The following DCST1 variants were observed in gnomAD, a reference collection of about 807,000 sequenced individuals.
The protein encoded by DCST1 is E3 ubiquitin-protein ligase DCST1.
Under a neutral mutation model 89.1 loss-of-function variants are expected in DCST1, and 78 were observed. That is an observed-to-expected ratio of 0.88 (90% CI 0.73 to 1.06). The LOEUF (loss-of-function observed/expected upper bound fraction) is 1.06, where lower values mean the gene tolerates loss of function less well. Among genes scored for constraint, DCST1 ranks in the 50% least tolerant of loss-of-function variants. The pLI, the probability that DCST1 is intolerant of heterozygous loss-of-function variation, is 0.00. For synonymous variants in DCST1, 364 were observed against 371.9 expected (o/e 0.98, Z 0.24); for missense variants, 900 against 928.6 (o/e 0.97, Z 0.40).
chr1:155,048,456 G>A (rs1187280942), intron 16 of DCST1, among the ~76,000 whole-genome samples: 1 of 152,082 alleles, frequency 6.6e-6, no homozygotes, highest in African/African-American at 2.4e-5. Context: ...ACGCCATCAC[G>A]CCCAGCTATT....
intron 14 of DCST1, 107 bp downstream of exon 14, chr1:155,047,419 T>C (rs1660688698): frequency 9.7e-7 from 1 of 1,028,728 alleles, no homozygotes; most frequent in African/African-American, 1.6e-5. Flanking sequence ...TGTGGAGAGA[T>C]GGGGGTTGGA....
At chr1:155,040,463 C>A in intron 5 of DCST1, 22 bp from the exon 6 acceptor site, 1 of 1,590,748 alleles carries the variant, frequency 6.3e-7, no homozygotes. Context: ...GGGAGGTGAC[C>A]AACCAGGGCC....
At chr1:155,040,879 T>C (rs1245601703) in intron 6 of DCST1, among the ~76,000 whole-genome samples, 1 of 152,206 alleles carries the variant, frequency 6.6e-6, no homozygotes, top group Non-Finnish European at 1.5e-5. Context: ...ACAGCTGAAC[T>C]AGAATATCTA....
chr1:155,040,182 A>G (rs918244694), intron 5 of DCST1, among the ~76,000 whole-genome samples: 1 of 151,228 alleles, frequency 6.6e-6, no homozygotes, highest in Non-Finnish European at 1.5e-5. Flanking sequence ...GTGTGCCTGT[A>G]ATCCCAGCTG....
At chr1:155,039,602 C>G (rs1489264836) in intron 5 of DCST1, 71 bp downstream of exon 5, 2 of 1,454,734 alleles carry the variant, frequency 1.4e-6, no homozygotes, top group African/African-American at 2.9e-5. Context: ...GGGAGCCAGG[C>G]CGGGTGAAGG....
intron 4 of DCST1, among the ~76,000 whole-genome samples, chr1:155,037,122 T>G (rs1660301644): frequency 6.6e-6 from 1 of 152,142 alleles, no homozygotes; most frequent in African/African-American, 2.4e-5. Context: ...GATGCCAGTC[T>G]CCATGCTTGT....
At position 155,033,977 on chromosome 1, in the gene DCST1, T is replaced by C. The variant is rs1660187690; in HGVS notation, c.-60T>C. The C allele has an allele frequency of 6.2e-7, 1 of 1,602,524 alleles. No homozygotes were observed. Among genetic ancestry groups the C allele is most frequent in the East Asian group, 2.2e-5 (1 of 44,834 alleles). Reference sequence around the variant, plus strand: ...CACCTCTCTTCTCTCACCAGAACCTTGTGTCCAAGGAGGTCCTTCAGGAGA... The same window carrying C: ...CACCTCTCTTCTCTCACCAGAACCTCGTGTCCAAGGAGGTCCTTCAGGAGA... On this transcript the variant is annotated 5_prime_UTR_variant, in exon 2 of 17. Transcript: ENST00000295542.
intron 8 of DCST1, 73 bp downstream of exon 8, chr1:155,041,930 C>T: frequency 6.3e-7 from 1 of 1,590,348 alleles, no homozygotes. Context: ...TGGTAGGTGA[C>T]AGGCAGGAAA....
chr1:155,038,820 C>T (rs1255247217), intron 4 of DCST1, among the ~76,000 whole-genome samples: 1 of 152,228 alleles, frequency 6.6e-6, no homozygotes, highest in East Asian at 1.9e-4. Flanking sequence ...CTTGTTTACT[C>T]ATCTGTCTCT....
chr1:155,035,179 T>C (rs186078444), intron 4 of DCST1: 1 of 190,104 alleles, frequency 5.3e-6, no homozygotes, highest in East Asian at 1.4e-4. Context: ...TGTTTTCGTT[T>C]TGAGACGGAG....
rs769529661 is a variant in DCST1 at position 155,043,409 on chromosome 1, G to A, written c.1072G>A (p.Glu358Lys). Residue 358 changes from glutamate to lysine, a missense_variant, in exon 10 of 17, where the codon GAG becomes AAG. Glu to Lys is a moderately conservative substitution (Grantham distance 56). Coordinates refer to ENST00000295542, the MANE Select transcript of DCST1 (RefSeq NM_152494.4). The part of the protein sequence containing the change: ...LNTSWERVST[E>K]VRDYVYRQEA... ...CACAAGCTGGGAGCGCGTGAGCACC[G>A]AGGTGCGGGACTACGTGTACCGCCA... The A allele has an allele frequency of 1.1e-5, 18 of 1,613,816 alleles. No individual in the cohort carries two copies. The highest frequency in any genetic ancestry group is 3.3e-5 in the South Asian group (3 of 91,070).
chr1:155,047,625 A>G (rs944918500), intron 14 of DCST1, among the ~76,000 whole-genome samples, 162 bp from the exon 15 acceptor site: 1 of 152,350 alleles, frequency 6.6e-6, no homozygotes, highest in South Asian at 2.1e-4. Flanking sequence ...CATTGGGCCC[A>G]GCGGCTACAG....
At chr1:155,039,936 A>G (rs929724938) in intron 5 of DCST1, among the ~76,000 whole-genome samples, 1 of 130,896 alleles carries the variant, frequency 7.6e-6, no homozygotes, top group African/African-American at 2.9e-5. Flanking sequence ...GCCTGCAGTG[A>G]GCCGAGATTG....
chr1:155,048,627 T>C (rs967622267), intron 16 of DCST1, among the ~76,000 whole-genome samples: 3 of 152,118 alleles, frequency 2.0e-5, no homozygotes, highest in Non-Finnish European at 4.4e-5. Context: ...ATGCAACACA[T>C]GCTGAGGGCC....
At position 155,034,003 on chromosome 1, in the gene DCST1, C is replaced by T. The variant is rs780742875; in HGVS notation, c.-34C>T. The T allele has an allele frequency of 5.6e-6, 9 of 1,613,678 alleles. No homozygotes were observed. The highest frequency in any genetic ancestry group is 5.9e-6 in the Non-Finnish European group (7 of 1,179,650). ...GTGTCCAAGGAGGTCCTTCAGGAGA[C>T]CTGGGATGAGTGGTGCTTCCCCAAA... is the stretch of plus-strand genomic sequence containing the variant. On this transcript the variant is annotated 5_prime_UTR_variant, in exon 2 of 17. Coordinates refer to ENST00000295542, the MANE Select transcript of DCST1 (RefSeq NM_152494.4).
At chr1:155,049,754 T>C (rs1660817071) in intron 16 of DCST1, among the ~76,000 whole-genome samples, 1 of 151,908 alleles carries the variant, frequency 6.6e-6, no homozygotes, top group Non-Finnish European at 1.5e-5. Flanking sequence ...TGACACACAA[T>C]AGGGGCCAAA....
chr1:155,045,822 G>A (rs1571567697), intron 10 of DCST1, 71 bp from the exon 11 acceptor site: 1 of 1,358,942 alleles, frequency 7.4e-7, no homozygotes, highest in Admixed American at 1.7e-5. Context: ...GTGCCTCAAG[G>A]AAGCCCATGT....
At position 155,040,623 on chromosome 1, in the gene DCST1, T is replaced by C; in HGVS notation, c.530T>C (p.Leu177Pro). The change falls in exon 6 of 17, where the codon CTG becomes CCG. Residue 177 changes from leucine (L) to proline (P), a missense_variant and splice_region_variant. Coordinates refer to ENST00000295542, the MANE Select transcript of DCST1 (RefSeq NM_152494.4). Reference sequence around the variant, plus strand: ...TTACGGGCCATGTTCAAGGACCTGCTGGTCAGGAATCTGCACAGGCAGAGC... The same window carrying C: ...TTACGGGCCATGTTCAAGGACCTGCCGGTCAGGAATCTGCACAGGCAGAGC... ...APLRAMFKDL[L>P]SSKELLRAET... 6.4e-7 allele frequency: 1 copy of C among 1,571,546 alleles called. No individual in the cohort carries two copies. The highest frequency in any genetic ancestry group is 1.2e-5 in the South Asian group (1 of 85,688).
Position 155,046,501 on chromosome 1 carries a change from C to T in DCST1, c.1495+15C>T. 2 of 1,613,326 alleles carry T rather than the reference C, an allele frequency of 1.2e-6. No individual in the cohort carries two copies. Among genetic ancestry groups the T allele is most frequent in the Non-Finnish European group, 1.7e-6 (2 of 1,179,856 alleles). ...CTCCTTCCGCAGTAAGCCCATCCCC[C>T]AGACACATTCCAGGCCCAAGAGACA... On this transcript the variant is annotated intron_variant, in intron 13 of 16. Coordinates refer to ENST00000295542, the MANE Select transcript of DCST1 (RefSeq NM_152494.4).
Sources: gnomAD v4.1 joint callset for allele counts (sites outside exome capture counted in the v4.1 genomes callset) on GRCh38, gnomAD v4.1.1 for gene constraint, MANE v1.5 for transcripts, NCBI Gene and HGNC (gene_info 2026-07-23, HGNC 2026-07-21) for gene names.